Variants in NCAPD2 observed in about 807,000 individuals in gnomAD.
NCAPD2 encodes the protein condensin complex subunit 1.
Under a neutral mutation model 164.5 loss-of-function variants are expected in NCAPD2, and 100 were observed. The ratio of observed to expected loss-of-function variants is 0.61; its 90% confidence interval spans 0.52 to 0.72. The LOEUF is 0.72. Ranked by LOEUF, NCAPD2 falls within the 30% of genes least tolerant of loss-of-function variation. NCAPD2 has a pLI of 0.00. For missense variants in NCAPD2, 1,560 were observed against 1,749.2 expected (o/e 0.89, Z 1.93); for synonymous variants, 585 against 642.6 (o/e 0.91, Z 1.36).
At chr12:6,502,931 A>G (rs892166024) in intron 2 of NCAPD2, among the ~76,000 whole-genome samples, 1 of 149,472 alleles carries the variant, frequency 6.7e-6, no homozygotes, top group African/African-American at 2.5e-5. Flanking sequence ...GCTCACTGCA[A>G]CCTCCTCAGT....
chr12:6,496,815 G>T (rs996327334), intron 2 of NCAPD2, among the ~76,000 whole-genome samples: 3 of 152,164 alleles, frequency 2.0e-5, no homozygotes, highest in African/African-American at 7.2e-5. Context: ...GTACCAAAGT[G>T]CTGGGATTGT....
chr12:6,500,811 C>T (rs1336297641), intron 2 of NCAPD2, among the ~76,000 whole-genome samples: 1 of 152,110 alleles, frequency 6.6e-6, no homozygotes. Context: ...CATGGTCTGA[C>T]ATTTTAAAAG....
chr12:6,520,866 T>G, intron 13 of NCAPD2, 120 bp from the exon 14 acceptor site: 3 of 1,374,330 alleles, frequency 2.2e-6, no homozygotes, highest in Non-Finnish European at 3.0e-6. Context: ...TTTAAGCATG[T>G]TAAGTGCTCC....
chr12:6,526,168 C>A lies in NCAPD2; in HGVS notation c.2449C>A (p.His817Asn). The stretch of plus-strand genomic sequence containing the variant: ...CTACAGGCTGGCCCAGCAGGTGTGC[C>A]ATGCCATTGCCAACATCTCGGACAG... ...QDYRLAQQVC[H>N]AIANISDRRK... Residue 817 changes from histidine to asparagine, a missense_variant, in exon 19 of 32, where the codon CAT becomes AAT. Transcript: ENST00000315579. 1 of 1,614,196 alleles carries A rather than the reference C, an allele frequency of 6.2e-7. No homozygotes were observed. Among genetic ancestry groups the A allele is most frequent in the East Asian group, 2.2e-5 (1 of 44,886 alleles).
rs376577408 is a variant in NCAPD2, at chr12:6,528,314, T to C, written c.3285T>C (p.Pro1095=). 1 of 1,613,754 alleles carries C rather than the reference T, an allele frequency of 6.2e-7. No homozygotes were observed. Among genetic ancestry groups the C allele is most frequent in the Non-Finnish European group, 8.5e-7 (1 of 1,180,022 alleles). The change falls in exon 25 of 32, where the codon CCT becomes CCC. Residue 1095 remains proline, a synonymous_variant. Transcript: ENST00000315579. This position sits in a 1 kb window ranked among gnomAD's most constrained non-coding sequence, Gnocchi z 5.1. ...RFPNLVDPWT[P]HLYARLRDPA... is the part of the protein sequence containing the mutation. Reference sequence around the variant, plus strand: ...CCAATCTGGTGGACCCCTGGACTCCTCATCTGTATGCTCGGTAAGAGACCC... The same window carrying C: ...CCAATCTGGTGGACCCCTGGACTCCCCATCTGTATGCTCGGTAAGAGACCC...
At chr12:6,507,805 C>T (rs1358654200) in intron 2 of NCAPD2, among the ~76,000 whole-genome samples, 1 of 152,042 alleles carries the variant, frequency 6.6e-6, no homozygotes, top group Non-Finnish European at 1.5e-5. Flanking sequence ...AAGCCTGGTA[C>T]TGTGGCGTGT....
In NCAPD2 at chr12:6,531,456, G is replaced by A. The variant is rs747419816; in HGVS notation, c.*44G>A. 1 of 1,606,372 alleles carries A rather than the reference G, an allele frequency of 6.2e-7. No homozygotes were observed. The highest frequency in any genetic ancestry group is 2.2e-5 in the East Asian group (1 of 44,822). Reference sequence around the variant, plus strand: ...CCCTGTGCAGGGTATCCTGTAGGGTGACCTGGAATTCGAATTCTGTTTCCC... The same window carrying A: ...CCCTGTGCAGGGTATCCTGTAGGGTAACCTGGAATTCGAATTCTGTTTCCC... On this transcript the variant is annotated 3_prime_UTR_variant, in exon 32 of 32. Coordinates refer to ENST00000315579, the MANE Select transcript of NCAPD2 (RefSeq NM_014865.4). This position sits in a 1 kb window ranked among gnomAD's most constrained non-coding sequence, Gnocchi z 4.1.
At chr12:6,513,145 A>G (rs1214131729) in intron 6 of NCAPD2, among the ~76,000 whole-genome samples, 2 of 152,322 alleles carry the variant, frequency 1.3e-5, no homozygotes, top group South Asian at 2.1e-4. Context: ...ATTTGGGAAT[A>G]TAATAGTATT....
At chr12:6,523,955 TACTC>T (rs751662584) in intron 17 of NCAPD2, among the ~76,000 whole-genome samples, 1 of 152,188 alleles carries the variant, frequency 6.6e-6, no homozygotes, top group Non-Finnish European at 1.5e-5. Flanking sequence ...ACTCACACGT[TACTC>T]ACAGTAACTT....
chr12:6,498,360 T>C (rs908904411), intron 2 of NCAPD2, among the ~76,000 whole-genome samples: 2 of 152,218 alleles, frequency 1.3e-5, no homozygotes, highest in African/African-American at 4.8e-5. Flanking sequence ...GTTCTAAGCA[T>C]TGATAATACA....
intron 2 of NCAPD2, among the ~76,000 whole-genome samples, chr12:6,501,259 T>G (rs12321186): frequency 0.34 from 40,827 of 119,070 alleles, 7,650 homozygotes; most frequent in African/African-American, 0.52. Flanking sequence ...TTTTTTTTTT[T>G]AGGCAGAGTC....
At position 6,526,578 on chromosome 12, in the gene NCAPD2, G is replaced by A. The variant is rs747265640; in HGVS notation, c.2697G>A (p.Glu899=). Reference sequence around the variant, plus strand: ...AGGGCTGTGCAAAACAGGCCCTGGAGAAGCTAGAAGAGAAGAGAACCAGTC... The same window carrying A: ...AGGGCTGTGCAAAACAGGCCCTGGAAAAGCTAGAAGAGAAGAGAACCAGTC... ...ILQGCAKQAL[E]KLEEKRTSQE... is the part of the protein sequence containing the mutation. Residue 899 remains glutamate (E), a synonymous_variant, in exon 21 of 32, where the codon GAG becomes GAA. Coordinates refer to ENST00000315579, the MANE Select transcript of NCAPD2 (RefSeq NM_014865.4). 3 of 1,614,038 alleles carry A rather than the reference G, an allele frequency of 1.9e-6. No homozygotes were observed. The African/African-American group carries it at 4.0e-5, about 22-fold the overall frequency.
Position 6,530,726 on chromosome 12 carries a change from C to G in NCAPD2, c.3873C>G (p.Ala1291=). The G allele has an allele frequency of 1.2e-6, 2 of 1,614,148 alleles. No homozygotes were observed. The highest frequency in any genetic ancestry group is 1.7e-6 in the Non-Finnish European group (2 of 1,180,022). Residue 1291 remains alanine (A), a synonymous_variant, in exon 30 of 32, where the codon GCC becomes GCG. Transcript: ENST00000315579. ...ATGAATTTGAGCAGAAGCTTCGGGC[C>G]TGTCATACCAGAGGTTTGGATGGAA... ...IIDEFEQKLR[A]CHTRGLDGIK... is the part of the protein sequence containing the mutation.
chr12:6,525,254 C>T (rs1014149665), intron 17 of NCAPD2, among the ~76,000 whole-genome samples: 1 of 152,152 alleles, frequency 6.6e-6, no homozygotes, highest in South Asian at 2.1e-4. Flanking sequence ...AGGATGATGG[C>T]TTCCATGTTG....
At chr12:6,523,525 G>A (rs1382869861) in intron 17 of NCAPD2, among the ~76,000 whole-genome samples, 179 bp downstream of exon 17, 1 of 148,858 alleles carries the variant, frequency 6.7e-6, no homozygotes, top group Non-Finnish European at 1.5e-5. Flanking sequence ...AGCCTCCCGA[G>A]TAACTGGAAT....
rs529587009 is a variant in NCAPD2, at chr12:6,530,918, T to G, written c.3965-3T>G. On this transcript the variant is annotated splice_polypyrimidine_tract_variant and splice_region_variant and intron_variant, in intron 30 of 31. Transcript: ENST00000315579. ...TTAAATCACGTTTTCCTGCCTTTTC[T>G]AGGTTCTAGGTACCAGCCTCTGGCT... 5.0e-6 allele frequency: 8 copies of G among 1,613,188 alleles called. No homozygotes were observed. In the South Asian group the frequency reaches 8.8e-5, roughly 18 times the overall value.
intron 6 of NCAPD2, among the ~76,000 whole-genome samples, chr12:6,513,950 C>T (rs1270825760): frequency 4.6e-5 from 7 of 151,760 alleles, no homozygotes; most frequent in Non-Finnish European, 5.9e-5. Context: ...TGCCTGACCT[C>T]GTGATCCACC....
At chr12:6,521,408 G>A (rs1946262395) in intron 14 of NCAPD2, among the ~76,000 whole-genome samples, 1 of 152,246 alleles carries the variant, frequency 6.6e-6, no homozygotes, top group African/African-American at 2.4e-5. Context: ...AGGGCCAGAT[G>A]TCGTGGCTTA....
intron 6 of NCAPD2, among the ~76,000 whole-genome samples, chr12:6,512,858 A>G (rs1462427820): frequency 6.6e-6 from 1 of 152,212 alleles, no homozygotes; most frequent in Non-Finnish European, 1.5e-5. Flanking sequence ...TCCTTAAGGT[A>G]GAGCTTACAG....
Sources: gnomAD v4.1 joint callset for allele counts (sites outside exome capture counted in the v4.1 genomes callset) on GRCh38, gnomAD v4.1.1 for gene constraint, Gnocchi (gnomAD v3.1) non-coding constraint, MANE v1.5 for transcripts, NCBI Gene and HGNC (gene_info 2026-07-23, HGNC 2026-07-21) for gene names.